The following RPL32 variants were observed in gnomAD, a reference collection of about 807,000 sequenced individuals.
RPL32 encodes the protein ribosomal protein L32.
For missense variants in RPL32, 117 were observed against 173.7 expected (o/e 0.67, Z 1.83); for synonymous variants, 61 against 62.6 (o/e 0.98, Z 0.12).
At chr3:12,837,516 A>G (rs2062108770) in intron 3 of RPL32, among the ~76,000 whole-genome samples, 1 of 152,204 alleles carries the variant, frequency 6.6e-6, no homozygotes, top group East Asian at 1.9e-4. Flanking sequence ...TACAACAGGT[A>G]TTGCCTGTTA....
intron 3 of RPL32, among the ~76,000 whole-genome samples, chr3:12,838,293 G>A (rs1015565719): frequency 6.6e-6 from 1 of 152,208 alleles, no homozygotes; most frequent in Non-Finnish European, 1.5e-5. Context: ...TGTAATCCCA[G>A]CTCTTGGGAG....
Position 12,836,168 on chromosome 3 carries a change from C to T in RPL32, c.334G>A (p.Val112Met), listed in dbSNP as rs757251811. 1.9e-5 allele frequency: 30 copies of T among 1,604,498 alleles called. No individual in the cohort carries two copies. The highest frequency in any genetic ancestry group is 8.3e-5 in the Admixed American group (5 of 59,988). Residue 112 changes from valine (V) to methionine (M), a missense_variant, in exon 4 of 4, where the codon GTG (valine) becomes ATG (methionine). Transcript: ENST00000429711. ...NVSSKNRKAI[V>M]ERAAQLAIRV... is the part of the protein sequence containing the mutation. The stretch of plus-strand genomic sequence containing the variant: ...ATGGCCAGTTGGGCAGCTCTTTCCA[C>T]GATGGCTTTGCGGTTCTTGGAGGAA...
rs2062137735 is a variant in RPL32 at position 12,840,225 on chromosome 3, T to C, written c.13A>G (p.Arg5Gly). Residue 5 changes from arginine to glycine, a missense_variant, in exon 2 of 4, where the codon AGA becomes GGA. Transcript: ENST00000429711. Reference protein sequence around the residue: MAALRPLVKPKIVKK... With the variant: MAALGPLVKPKIVKK... The stretch of plus-strand genomic sequence containing the variant: ...ACGATCTTGGGCTTCACAAGGGGTC[T>C]GAGGGCGGCCATGATGCCTTTTGGG... 6.2e-7 allele frequency: 1 copy of C among 1,613,866 alleles called. No homozygotes were observed. Among genetic ancestry groups the C allele is most frequent in the Non-Finnish European group, 8.5e-7 (1 of 1,179,796 alleles).
rs2062137619 is a variant in RPL32 at position 12,840,217 on chromosome 3, A to G, written c.21T>C (p.Leu7=). ...TCTTTTTGACGATCTTGGGCTTCAC[A>G]AGGGGTCTGAGGGCGGCCATGATGC... MAALRP[L]VKPKIVKKRT... is the part of the protein sequence containing the mutation. The change falls in exon 2 of 4, where the codon CTT becomes CTC. Residue 7 remains leucine (L), a synonymous_variant. Coordinates refer to ENST00000429711, the MANE Select transcript of RPL32 (RefSeq NM_000994.4). 1.2e-6 allele frequency: 2 copies of G among 1,613,900 alleles called. No individual in the cohort carries two copies. Among genetic ancestry groups the G allele is most frequent in the African/African-American group, 2.7e-5 (2 of 75,016 alleles).
intron 3 of RPL32, 141 bp downstream of exon 3, chr3:12,839,208 G>A: frequency 4.1e-6 from 3 of 739,302 alleles, no homozygotes; most frequent in South Asian, 3.5e-5. Context: ...AATCCTGCAA[G>A]GAACAACTTC....
Position 12,835,976 on chromosome 3 carries a change from G to A in RPL32, c.*118C>T. The A allele has an allele frequency of 7.8e-7, 1 of 1,279,378 alleles. No homozygotes were observed. Among genetic ancestry groups the A allele is most frequent in the East Asian group, 2.3e-5 (1 of 42,876 alleles). 79.3% of individuals were successfully genotyped at this position (1,279,378 alleles called of 1,614,324 possible). The stretch of plus-strand genomic sequence containing the variant: ...AGATTCCAAAGGGGCTTAAGCAAAA[G>A]AACAATCTCTGTGGCAAACTAAGTT... On this transcript the variant is annotated 3_prime_UTR_variant, in exon 4 of 4. Transcript: ENST00000429711.
rs757406899 is a variant in RPL32, at chr3:12,840,477, C to T, written c.-5-235G>A. The T allele has an allele frequency of 2.3e-5, 15 of 655,358 alleles. No individual in the cohort carries two copies. In the African/African-American group the frequency reaches 2.3e-4, roughly 10 times the overall value. 40.6% of individuals were successfully genotyped at this position (655,358 alleles called of 1,614,324 possible). ...AGGGTCACCTCACCCACTCAGAGCC[C>T]AAAGAATGCCAACAGCTGAGCAAAT... On this transcript the variant is annotated intron_variant, in intron 1 of 3. Transcript: ENST00000429711.
intron 3 of RPL32, among the ~76,000 whole-genome samples, chr3:12,838,405 T>TA (rs1364350328): frequency 6.6e-6 from 1 of 152,200 alleles, no homozygotes; most frequent in Admixed American, 6.5e-5. Flanking sequence ...GACTTCATCT[T>TA]AAAAAACAAA....
chr3:12,836,826 G>A (rs1247018048), intron 3 of RPL32, among the ~76,000 whole-genome samples: 2 of 152,126 alleles, frequency 1.3e-5, no homozygotes, highest in African/African-American at 4.8e-5. Context: ...ATAACCAATA[G>A]GCCTAACAAG....
In RPL32 at chr3:12,836,198, T is replaced by G; in HGVS notation, c.304A>C (p.Asn102His). ...GCTTTGCGGTTCTTGGAGGAAACAT[T>G]GTGAGCGATCTCGGCACAGTAAGAT... Reference protein sequence around the residue: ...NKSYCAEIAHNVSSKNRKAIV... With the variant: ...NKSYCAEIAHHVSSKNRKAIV... The change falls in exon 4 of 4, where the codon AAT becomes CAT. Residue 102 changes from asparagine (N) to histidine (H), a missense_variant. Coordinates refer to ENST00000429711, the MANE Select transcript of RPL32 (RefSeq NM_000994.4). 1 of 1,600,794 alleles carries G rather than the reference T, an allele frequency of 6.2e-7. No individual in the cohort carries two copies. The highest frequency in any genetic ancestry group is 2.2e-5 in the East Asian group (1 of 44,864).
At chr3:12,839,219 T>TA in intron 3 of RPL32, 130 bp downstream of exon 3, 1 of 787,136 alleles carries the variant, frequency 1.3e-6, no homozygotes, top group Non-Finnish European at 2.1e-6. Flanking sequence ...GAACAACTTC[T>TA]GATTCCCTCA....
At position 12,838,028 on chromosome 3, in the gene RPL32, GAGTTTGGGGCTGCGGTGTGCCATGATCAC is replaced by G. The variant is rs1472763192; in HGVS notation, c.278+1292_278+1320del. Among the ~76,000 whole-genome samples the G allele has an allele frequency of 7.9e-5, 12 of 152,342 alleles. No homozygotes were observed. In the East Asian group the frequency reaches 2.1e-3, roughly 27 times the overall value. On this transcript the variant is annotated intron_variant, in intron 3 of 3. Transcript: ENST00000429711. ...TAGGAAGACAGCTTGAGCCCACCTTGAGTTTGGGGCTGCGGTGTGCCATGATCACAGCTGTGAACAGCCACTGCACTGTA... is the reference window on the plus strand; with the variant it reads ...TAGGAAGACAGCTTGAGCCCACCTTGAGCTGTGAACAGCCACTGCACTGTA...
At position 12,835,962 on chromosome 3, in the gene RPL32, G is replaced by C. The variant is rs187548667; in HGVS notation, c.*132C>G. ...CCCCTCCAAATGGGAGATTCCAAAG[G>C]GGCTTAAGCAAAAGAACAATCTCTG... On this transcript the variant is annotated 3_prime_UTR_variant, in exon 4 of 4. Coordinates refer to ENST00000429711, the MANE Select transcript of RPL32 (RefSeq NM_000994.4). 4.6e-6 allele frequency: 5 copies of C among 1,084,792 alleles called. No individual in the cohort carries two copies. The African/African-American group carries it at 7.8e-5, about 17-fold the overall frequency. 67.2% of individuals were successfully genotyped at this position (1,084,792 alleles called of 1,614,324 possible).
At position 12,835,506 on chromosome 3, in the gene RPL32, A is replaced by G. The variant is rs764578037; in HGVS notation, c.*588T>C. Reference sequence around the variant, plus strand: ...CCCCGCCTTGGCAAACTGCTGTAACATTATACCTGAAGCAGCAGCTGGTGG... The same window carrying G: ...CCCCGCCTTGGCAAACTGCTGTAACGTTATACCTGAAGCAGCAGCTGGTGG... On this transcript the variant is annotated 3_prime_UTR_variant, in exon 4 of 4. Coordinates refer to ENST00000429711, the MANE Select transcript of RPL32 (RefSeq NM_000994.4). 1.3e-5 allele frequency: 2 copies of G among 153,088 alleles called. No individual in the cohort carries two copies. Among genetic ancestry groups the G allele is most frequent in the Non-Finnish European group, 2.9e-5 (2 of 68,664 alleles). The allele number at this position is 153,088 out of a possible 1,614,324, so 9.5% of individuals were successfully genotyped here. A position where few individuals can be genotyped will look rare whatever the true frequency, so the allele number is the denominator to read the frequency against.
intron 1 of RPL32, chr3:12,840,588 G>T: frequency 4.2e-6 from 2 of 474,744 alleles, no homozygotes; most frequent in Non-Finnish European, 8.5e-6. Context: ...GGTCCTTCCG[G>T]TAGTACTGGC....
rs1267834445 is a variant in RPL32 at position 12,835,880 on chromosome 3, A to G, written c.*214T>C. ...GCCTCAACTGGAGATGACTAAGGCT[A>G]GTCTGTGCACTTGAGGCCACATTCC... On this transcript the variant is annotated 3_prime_UTR_variant, in exon 4 of 4. Transcript: ENST00000429711. 4 of 565,788 alleles carry G rather than the reference A, an allele frequency of 7.1e-6. No homozygotes were observed. The African/African-American group carries it at 7.6e-5, about 11-fold the overall frequency. The allele number at this position is 565,788 out of a possible 1,614,324, so 35.0% of individuals were successfully genotyped here. A position where few individuals can be genotyped will look rare whatever the true frequency, so the allele number is the denominator to read the frequency against.
chr3:12,836,355 A>G, intron 3 of RPL32, 132 bp from the exon 4 acceptor site: 1 of 1,027,206 alleles, frequency 9.7e-7, no homozygotes, highest in Non-Finnish European at 1.4e-6. Context: ...AATGACACCT[A>G]CATGCCCCCA....
intron 3 of RPL32, among the ~76,000 whole-genome samples, chr3:12,836,796 G>A (rs1172911996): frequency 6.6e-6 from 1 of 152,224 alleles, no homozygotes; most frequent in East Asian, 1.9e-4. Flanking sequence ...TTAAGAGGCA[G>A]CTACACTGTG....
rs1230074748 is a variant in RPL32, at chr3:12,839,485, T to G, written c.142A>C (p.Arg48=). The G allele has an allele frequency of 6.2e-7, 1 of 1,614,232 alleles. No homozygotes were observed. Among genetic ancestry groups the G allele is most frequent in the African/African-American group, 1.3e-5 (1 of 75,058 alleles). ...GGCATCAAGATCTGGCCCTTGAATC[T>G]TCTACGAACCCTGTTGTCAATGCCT... ...PRGIDNRVRR[R]FKGQILMPNI... The change falls in exon 3 of 4, where the codon AGA becomes CGA. Residue 48 remains arginine (R), a synonymous_variant. Coordinates refer to ENST00000429711, the MANE Select transcript of RPL32 (RefSeq NM_000994.4).
Sources: gnomAD v4.1 joint callset for allele counts (sites outside exome capture counted in the v4.1 genomes callset) on GRCh38, gnomAD v4.1.1 for gene constraint, MANE v1.5 for transcripts, NCBI Gene and HGNC (gene_info 2026-07-23, HGNC 2026-07-21) for gene names.